Variants in COXFA4L2 observed in about 807,000 individuals in gnomAD.
The protein encoded by COXFA4L2 is NADH dehydrogenase (ubiquinone) 1 alpha subcomplex, 4-like 2.
chr12:57,236,499 T>C, the COXFA4L2 span: 1 of 1,076,832 alleles, frequency 9.3e-7, no homozygotes, highest in Non-Finnish European at 1.3e-6. Context: ...CGAAGGTGCA[T>C]GCAGCAGGGC....
chr12:57,236,930 C>G, the COXFA4L2 span: 1 of 1,498,144 alleles, frequency 6.7e-7, no homozygotes, highest in Non-Finnish European at 9.3e-7. Flanking sequence ...AGAATAGGAG[C>G]GCTGAGGGAC....
At chr12:57,238,732 CAA>C in the COXFA4L2 span, among the ~76,000 whole-genome samples, 1 of 152,224 alleles carries the variant, frequency 6.6e-6, no homozygotes, top group South Asian at 2.1e-4. This position sits in a 1 kb window ranked among gnomAD's most constrained non-coding sequence, Gnocchi z 6.8. Flanking sequence ...GGCCAGGTCC[CAA>C]ATTCTCCGTC....
At chr12:57,235,666 C>A in the COXFA4L2 span, 38 of 1,613,472 alleles carry the variant, frequency 2.4e-5, no homozygotes, top group Non-Finnish European at 3.0e-5. Context: ...CCAAGCCTCC[C>A]TTTGCTTCTA....
chr12:57,239,126 C>T, the COXFA4L2 span, among the ~76,000 whole-genome samples: 1 of 152,246 alleles, frequency 6.6e-6, no homozygotes, highest in African/African-American at 2.4e-5. The surrounding 1 kb of genome is among the most constrained non-coding windows in gnomAD (Gnocchi z 5.5). Context: ...AGCGCTAACC[C>T]GCACCAGGAT....
chr12:57,235,152 C>G, the COXFA4L2 span: 27 of 218,880 alleles, frequency 1.2e-4, no homozygotes, highest in African/African-American at 4.6e-4. Flanking sequence ...TGGGCTGGCT[C>G]TCAGAGCCTG....
At chr12:57,235,343 C>A in the COXFA4L2 span, 21 of 596,378 alleles carry the variant, frequency 3.5e-5, no homozygotes, top group South Asian at 5.9e-5. Context: ...CCTCCTCCCC[C>A]ACGTGGGACT....
At chr12:57,240,672 C>T in the COXFA4L2 span, 1 of 985,570 alleles carries the variant, frequency 1.0e-6, no homozygotes, top group Non-Finnish European at 1.2e-6. Flanking sequence ...CACTGAGACA[C>T]ACATACCTGC....
the COXFA4L2 span, chr12:57,235,888 C>T: frequency 1.5e-6 from 2 of 1,344,094 alleles, no homozygotes; most frequent in East Asian, 5.0e-5. Context: ...CCCCCAAGCT[C>T]CACCCGGAGG....
chr12:57,236,979 G>T, the COXFA4L2 span: 3 of 1,609,042 alleles, frequency 1.9e-6, no homozygotes, highest in East Asian at 6.7e-5. Flanking sequence ...TTGGAGGGTG[G>T]GGCAGCAGGA....
the COXFA4L2 span, among the ~76,000 whole-genome samples, chr12:57,238,161 G>A: frequency 1.9e-4 from 29 of 152,276 alleles, no homozygotes; most frequent in African/African-American, 7.0e-4. This position sits in a 1 kb window ranked among gnomAD's most constrained non-coding sequence, Gnocchi z 6.8. Flanking sequence ...GCCCTGTGGA[G>A]GGCGCGGGCG....
At chr12:57,235,482 C>T in the COXFA4L2 span, 1 of 1,486,656 alleles carries the variant, frequency 6.7e-7, no homozygotes, top group South Asian at 1.1e-5. Context: ...GGAGTGATGC[C>T]TTGGGGCCTG....
the COXFA4L2 span, chr12:57,237,351 C>A: frequency 7.2e-7 from 1 of 1,396,590 alleles, no homozygotes; most frequent in Non-Finnish European, 9.3e-7. Context: ...CCAAGGGACA[C>A]CATCATTCTT....
chr12:57,235,920 C>A, the COXFA4L2 span: 3 of 858,262 alleles, frequency 3.5e-6, no homozygotes, highest in Non-Finnish European at 5.1e-6. Flanking sequence ...CCCCAGTACC[C>A]CTGCCTCCTG....
the COXFA4L2 span, chr12:57,237,089 G>T: frequency 8.1e-6 from 13 of 1,614,194 alleles, no homozygotes; most frequent in South Asian, 1.1e-5. Flanking sequence ...CTGCCATATC[G>T]TTGTTTTCCC....
the COXFA4L2 span, among the ~76,000 whole-genome samples, chr12:57,239,016 A>T: frequency 1.3e-5 from 2 of 152,074 alleles, no homozygotes; most frequent in African/African-American, 4.8e-5. The surrounding 1 kb of genome is among the most constrained non-coding windows in gnomAD (Gnocchi z 5.5). Flanking sequence ...CTTTCCCACC[A>T]CGAGGACTCA....
the COXFA4L2 span, chr12:57,240,592 C>T: frequency 3.4e-6 from 3 of 883,478 alleles, no homozygotes; most frequent in South Asian, 5.2e-5. Flanking sequence ...CGCGCGCGCA[C>T]GTGCGTCACA....
At chr12:57,235,538 C>A in the COXFA4L2 span, 2 of 1,611,006 alleles carry the variant, frequency 1.2e-6, no homozygotes, top group East Asian at 4.5e-5. Context: ...CTGTGGCTTG[C>A]ATGGCACTGG....
the COXFA4L2 span, among the ~76,000 whole-genome samples, chr12:57,239,246 C>T: frequency 6.6e-6 from 1 of 152,248 alleles, no homozygotes; most frequent in African/African-American, 2.4e-5. The surrounding 1 kb of genome is among the most constrained non-coding windows in gnomAD (Gnocchi z 5.5). Flanking sequence ...GAGCGGCCCC[C>T]AAGCTCGGGG....
At chr12:57,236,486 AGTC>A in the COXFA4L2 span, 2 of 926,728 alleles carry the variant, frequency 2.2e-6, no homozygotes. Context: ...CGGTCGGTAC[AGTC>A]GAAGGTGCAT....
Sources: gnomAD v4.1 joint callset for allele counts (sites outside exome capture counted in the v4.1 genomes callset) on GRCh38, gnomAD v4.1.1 for gene constraint, Gnocchi (gnomAD v3.1) non-coding constraint, MANE v1.5 for transcripts, NCBI Gene and HGNC (gene_info 2026-07-23, HGNC 2026-07-21) for gene names.